Variants in BACH2 observed in about 807,000 individuals in gnomAD.
The protein encoded by BACH2 is BACH transcriptional regulator 2.
BACH2 carries 5 observed loss-of-function variants against 61.8 expected under a neutral mutation model. The observed-to-expected ratio is 0.08, with a 90% CI of 0.04 to 0.17. The LOEUF is 0.17. BACH2 is among the 10% of genes least tolerant of loss of function. BACH2 has a pLI of 1.00. For synonymous variants in BACH2, 446 were observed against 440.1 expected, an observed-to-expected ratio of 1.01 and a Z score of -0.17; for missense variants, 824 against 1,091.1, an observed-to-expected ratio of 0.76 and a Z score of 3.45.
chr6:90,015,226 A>G, intron 5 of BACH2, among the ~76,000 whole-genome samples: 1 of 152,118 alleles, frequency 6.6e-6, no homozygotes, highest in East Asian at 1.9e-4. Context: ...ACATTCTCAA[A>G]TAACTAGTTT....
chr6:90,123,594 C>A (rs1423411941), intron 4 of BACH2, among the ~76,000 whole-genome samples: 3 of 151,406 alleles, frequency 2.0e-5, no homozygotes, highest in Non-Finnish European at 4.4e-5. Context: ...AACGGTGAAA[C>A]CCCGTCTCTA....
At chr6:90,009,784 CTTCCCAA>C (rs1360705703) in intron 5 of BACH2, among the ~76,000 whole-genome samples, 1 of 152,220 alleles carries the variant, frequency 6.6e-6, no homozygotes, top group Non-Finnish European at 1.5e-5. Context: ...CCTGCCTCCG[CTTCCCAA>C]GTAGCTGGGA....
At chr6:90,073,961 G>A (rs936130657) in intron 5 of BACH2, among the ~76,000 whole-genome samples, 5 of 152,132 alleles carry the variant, frequency 3.3e-5, no homozygotes, top group Non-Finnish European at 7.4e-5. Context: ...CAAAAACGGA[G>A]GAATTTCCCA....
intron 4 of BACH2, among the ~76,000 whole-genome samples, chr6:90,145,165 T>C (rs1233989691): frequency 3.2e-4 from 48 of 151,912 alleles, no homozygotes; most frequent in Admixed American, 3.1e-3. Flanking sequence ...GCCTGACACA[T>C]AGTGGGTCCT....
At chr6:89,993,785 A>C (rs971608915) in intron 6 of BACH2, among the ~76,000 whole-genome samples, 12 of 151,696 alleles carry the variant, frequency 7.9e-5, no homozygotes, top group African/African-American at 2.9e-4. Context: ...GACTTCCAGG[A>C]TCTAGGGTGA....
At chr6:90,284,182 T>C (rs934169916) in intron 1 of BACH2, among the ~76,000 whole-genome samples, 3 of 152,184 alleles carry the variant, frequency 2.0e-5, no homozygotes, top group East Asian at 3.8e-4. Context: ...TGATCTCTGA[T>C]AGTCTGGCCA....
At position 90,206,691 on chromosome 6, in the gene BACH2, T is replaced by C. The variant is rs1318531506; in HGVS notation, c.-274-10A>G. The C allele has an allele frequency of 6.6e-6, 1 of 152,364 alleles. No individual in the cohort carries two copies. Among genetic ancestry groups the C allele is most frequent in the Non-Finnish European group, 1.5e-5 (1 of 68,096 alleles). 9.4% of individuals were successfully genotyped at this position (152,364 alleles called of 1,614,324 possible). Reference sequence around the variant, plus strand: ...GAAGCAGACAGCTGCACTGTGAATATAAACAAAGAAGAAATCCATCAGCTG... The same window carrying C: ...GAAGCAGACAGCTGCACTGTGAATACAAACAAAGAAGAAATCCATCAGCTG... On this transcript the variant is annotated splice_polypyrimidine_tract_variant and intron_variant, in intron 3 of 8. Transcript: ENST00000257749.
intron 5 of BACH2, among the ~76,000 whole-genome samples, chr6:90,022,890 G>C (rs542255880): frequency 3.1e-4 from 47 of 152,130 alleles, no homozygotes; most frequent in Non-Finnish European, 6.3e-4. Context: ...GATACTCCTG[G>C]ATATCTGTAA....
At chr6:90,011,733 C>T (rs1777722191) in intron 5 of BACH2, among the ~76,000 whole-genome samples, 1 of 151,840 alleles carries the variant, frequency 6.6e-6, no homozygotes, top group African/African-American at 2.4e-5. Context: ...CCAGCCTGGC[C>T]AACACAGCGA....
At chr6:89,987,349 C>G (rs1357907543) in intron 6 of BACH2, among the ~76,000 whole-genome samples, 1 of 152,136 alleles carries the variant, frequency 6.6e-6, no homozygotes, top group Non-Finnish European at 1.5e-5. Context: ...CGCCTCTGCT[C>G]TGCTCTTTAC....
At chr6:90,164,608 C>G (rs999174367) in intron 4 of BACH2, among the ~76,000 whole-genome samples, 1 of 151,948 alleles carries the variant, frequency 6.6e-6, no homozygotes, top group Middle Eastern at 3.2e-3. Flanking sequence ...GAGTCACAAC[C>G]AAAAAAGAGA....
intron 4 of BACH2, among the ~76,000 whole-genome samples, chr6:90,135,427 C>T (rs577279191): frequency 6.6e-6 from 1 of 152,290 alleles, no homozygotes; most frequent in Admixed American, 6.5e-5. Context: ...TCACAAACAA[C>T]CTTTAAAGTA....
intron 1 of BACH2, among the ~76,000 whole-genome samples, chr6:90,274,589 T>A (rs1157461797): frequency 6.6e-6 from 1 of 152,210 alleles, no homozygotes; most frequent in Non-Finnish European, 1.5e-5. Context: ...CCTGACCACC[T>A]GTAGCAGCCT....
intron 4 of BACH2, among the ~76,000 whole-genome samples, chr6:90,189,614 CAA>C (rs59022545): frequency 0.04 from 1,918 of 47,516 alleles, 23 homozygotes; most frequent in African/African-American, 0.13. Flanking sequence ...GACTCCGTCT[CAA>C]AAAAAAAAAA....
intron 5 of BACH2, among the ~76,000 whole-genome samples, chr6:90,011,930 A>AATGTG (rs1491345075): frequency 1.1e-4 from 11 of 98,678 alleles, no homozygotes; most frequent in African/African-American, 3.1e-4. Context: ...AAAAAAAAAA[A>AATGTG]TATGTGTGTG....
chr6:90,239,802 C>CACACACAT (rs1398492155), intron 3 of BACH2, among the ~76,000 whole-genome samples: 1 of 45,566 alleles, frequency 2.2e-5, no homozygotes, highest in Non-Finnish European at 3.9e-5. Context: ...GGGGAATACA[C>CACACACAT]ACACACACAC....
intron 6 of BACH2, among the ~76,000 whole-genome samples, chr6:89,962,381 C>G (rs1370621581): frequency 6.6e-6 from 1 of 152,194 alleles, no homozygotes; most frequent in Non-Finnish European, 1.5e-5. Context: ...CAGTACTACA[C>G]AGTCAGCCCC....
At chr6:90,262,521 G>C (rs1341156940) in intron 2 of BACH2, among the ~76,000 whole-genome samples, 1 of 152,176 alleles carries the variant, frequency 6.6e-6, no homozygotes, top group Admixed American at 6.5e-5. Flanking sequence ...CACTGACACA[G>C]AGTAGGCACT....
At chr6:90,272,432 C>G (rs1160236066) in intron 1 of BACH2, among the ~76,000 whole-genome samples, 2 of 152,084 alleles carry the variant, frequency 1.3e-5, no homozygotes, top group African/African-American at 4.8e-5. Flanking sequence ...TCTCTCCTTG[C>G]AGATAGCCCC....
Sources: gnomAD v4.1 joint callset for allele counts (sites outside exome capture counted in the v4.1 genomes callset) on GRCh38, gnomAD v4.1.1 for gene constraint, MANE v1.5 for transcripts, NCBI Gene and HGNC (gene_info 2026-07-23, HGNC 2026-07-21) for gene names.